Variants in TENM2 observed in about 807,000 individuals in gnomAD.
TENM2 encodes teneurin-2.
Under a neutral mutation model 245.2 loss-of-function variants are expected in TENM2, and 52 were observed. That is an observed-to-expected ratio of 0.21 (90% CI 0.17 to 0.27). The LOEUF is 0.27. TENM2 is among the 10% of genes least tolerant of loss of function. The pLI is 1.00. For missense variants in TENM2, 3,046 were observed against 3,666.8 expected (o/e 0.83, Z 4.37); for synonymous variants, 1,363 against 1,438.9 (o/e 0.95, Z 1.19).
intron 25 of TENM2, among the ~76,000 whole-genome samples, chr5:168,231,341 G>C (rs189006879): frequency 3.9e-5 from 6 of 152,364 alleles, no homozygotes; most frequent in Admixed American, 3.9e-4. Context: ...GTAAGAATCA[G>C]CCAGGCAGAG....
chr5:167,498,679 A>G (rs1198461862), intron 2 of TENM2, among the ~76,000 whole-genome samples: 4 of 152,130 alleles, frequency 2.6e-5, no homozygotes, highest in Non-Finnish European at 5.9e-5. Flanking sequence ...CCCGTGCGGC[A>G]TCACACAAGA....
the TENM2 span, among the ~76,000 whole-genome samples, chr5:167,062,435 T>TA: frequency 6.8e-6 from 1 of 147,364 alleles, no homozygotes; most frequent in African/African-American, 2.6e-5. Context: ...AAAAGAAACA[T>TA]AAAAAAGAAC....
At chr5:167,093,671 C>T in the TENM2 span, among the ~76,000 whole-genome samples, 1 of 152,192 alleles carries the variant, frequency 6.6e-6, no homozygotes, top group Admixed American at 6.5e-5. Context: ...TAGCCAACTG[C>T]ACAAGTCTTG....
At chr5:167,402,032 C>T (rs1762394296) in intron 2 of TENM2, among the ~76,000 whole-genome samples, 2 of 152,054 alleles carry the variant, frequency 1.3e-5, no homozygotes, top group African/African-American at 4.8e-5. Context: ...GCTTTTTTAA[C>T]AGTCCCTTTA....
chr5:167,732,170 G>T (rs1760485505), intron 2 of TENM2, among the ~76,000 whole-genome samples: 1 of 152,130 alleles, frequency 6.6e-6, no homozygotes, highest in African/African-American at 2.4e-5. Context: ...ATTAGGTGAG[G>T]TATCTTTGTA....
At chr5:167,397,516 G>A (rs1428578609) in intron 2 of TENM2, among the ~76,000 whole-genome samples, 5 of 152,060 alleles carry the variant, frequency 3.3e-5, no homozygotes, top group African/African-American at 1.2e-4. Context: ...GTGTGTCCAT[G>A]ATTCAATATA....
chr5:167,745,559 T>C (rs1393956274), intron 2 of TENM2, among the ~76,000 whole-genome samples: 2 of 152,204 alleles, frequency 1.3e-5, no homozygotes, highest in Non-Finnish European at 2.9e-5. Context: ...TTAGAAGCTA[T>C]TTTTAGCTTT....
At chr5:167,253,535 C>T in the TENM2 span, among the ~76,000 whole-genome samples, 1 of 152,050 alleles carries the variant, frequency 6.6e-6, no homozygotes, top group Non-Finnish European at 1.5e-5. Context: ...TAAAATCTTA[C>T]CGACTCCAAA....
chr5:167,234,529 C>A, the TENM2 span, among the ~76,000 whole-genome samples: 3 of 152,258 alleles, frequency 2.0e-5, no homozygotes, highest in South Asian at 6.2e-4. Flanking sequence ...AACAGTAACC[C>A]ATTTCTTAGA....
At chr5:167,497,343 T>C (rs1199411520) in intron 2 of TENM2, among the ~76,000 whole-genome samples, 3 of 152,108 alleles carry the variant, frequency 2.0e-5, no homozygotes, top group Non-Finnish European at 4.4e-5. Context: ...AGCGTTTAAT[T>C]TCTCAGACTC....
chr5:168,145,730 G>A (rs1756003043), intron 12 of TENM2, among the ~76,000 whole-genome samples: 2 of 150,480 alleles, frequency 1.3e-5, no homozygotes, highest in African/African-American at 4.9e-5. Flanking sequence ...GTCACTGGTA[G>A]CTTGATGGGG....
chr5:167,780,213 A>G (rs562482628), intron 2 of TENM2, among the ~76,000 whole-genome samples: 1 of 152,340 alleles, frequency 6.6e-6, no homozygotes, highest in African/African-American at 2.4e-5. Context: ...GTCTTACTTC[A>G]TAACAGTCGA....
intron 27 of TENM2, among the ~76,000 whole-genome samples, chr5:168,256,716 C>T (rs1465706285): frequency 6.6e-6 from 1 of 152,188 alleles, no homozygotes; most frequent in Non-Finnish European, 1.5e-5. Flanking sequence ...TGAGCCACCT[C>T]GCCCGGCCTC....
chr5:167,662,409 C>T (rs961422608), intron 2 of TENM2, among the ~76,000 whole-genome samples: 1 of 152,090 alleles, frequency 6.6e-6, no homozygotes, highest in Non-Finnish European at 1.5e-5. Flanking sequence ...TCAAAAGTGG[C>T]GTGGTTTGCT....
In TENM2 at chr5:167,330,141, A is replaced by G. The variant is rs146793007; in HGVS notation, c.227-45057A>G. On this transcript the variant is annotated intron_variant, in intron 1 of 28. Coordinates refer to ENST00000518659, the Ensembl canonical transcript of TENM2. ...TGTTGTTTCCTTATAGTATAAAAGA[A>G]CATCTTGGGAAGAGGATACCAGTGA... is the stretch of plus-strand genomic sequence containing the variant. 2.9e-3 allele frequency among the ~76,000 whole-genome samples: 445 copies of G among 152,292 alleles called. 1 individual carries two copies. Among genetic ancestry groups the G allele is most frequent in the African/African-American group, 0.011 (438 of 41,560 alleles).
the TENM2 span, among the ~76,000 whole-genome samples, chr5:167,070,154 G>T: frequency 3.2e-5 from 3 of 94,944 alleles, no homozygotes; most frequent in African/African-American, 1.3e-4. Flanking sequence ...GTCTCACTCT[G>T]TCGCCCAGGC....
intron 17 of TENM2, among the ~76,000 whole-genome samples, 187 bp downstream of exon 19, chr5:168,200,318 A>G (rs568521942): frequency 6.6e-6 from 1 of 152,348 alleles, no homozygotes; most frequent in African/African-American, 2.4e-5. Flanking sequence ...GATAATAAAT[A>G]CAAGTGAAAC....
intron 2 of TENM2, among the ~76,000 whole-genome samples, chr5:167,421,769 A>G (rs1046897090): frequency 6.6e-6 from 1 of 151,984 alleles, no homozygotes; most frequent in African/African-American, 2.4e-5. Context: ...TCCTTATCAC[A>G]CTATTTTGTT....
chr5:167,652,919 G>C (rs1051543669), intron 2 of TENM2, among the ~76,000 whole-genome samples: 2 of 152,134 alleles, frequency 1.3e-5, no homozygotes, highest in Non-Finnish European at 2.9e-5. Flanking sequence ...CCCAACATTA[G>C]CTATGTGATA....
Sources: allele counts gnomAD v4.1 joint callset (sites outside exome capture counted in the v4.1 genomes callset), GRCh38; gene constraint gnomAD v4.1.1; transcripts MANE v1.5; gene names NCBI Gene and HGNC (gene_info 2026-07-23, HGNC 2026-07-21).